Variants in HEATR9 observed in about 807,000 individuals in gnomAD.
The protein encoded by HEATR9 is protein HEATR9.
HEATR9 carries 54 observed loss-of-function variants against 68.2 expected under a neutral mutation model. The observed-to-expected ratio is 0.79, with a 90% CI of 0.64 to 0.99. HEATR9 has a LOEUF of 0.99. Among genes scored for constraint, HEATR9 ranks in the 50% least tolerant of loss-of-function variants. The probability of loss-of-function intolerance (pLI) is 0.00; values close to 1 mark genes in which losing one functional copy is unlikely to be tolerated. For synonymous variants in HEATR9, 241 were observed against 253.5 expected, an observed-to-expected ratio of 0.95 and a Z score of 0.47; for missense variants, 662 against 679.7, an observed-to-expected ratio of 0.97 and a Z score of 0.29.
chr17:35,860,680 C>T (rs1168702477), intron 8 of HEATR9, among the ~76,000 whole-genome samples: 4 of 150,832 alleles, frequency 2.7e-5, no homozygotes, highest in Non-Finnish European at 5.9e-5. Flanking sequence ...TAGTAGAGAC[C>T]GGGTTTCACC....
intron 14 of HEATR9, 65 bp downstream of exon 14, chr17:35,855,599 T>G (rs2087742709): frequency 1.4e-6 from 2 of 1,472,520 alleles, no homozygotes; most frequent in Non-Finnish European, 1.9e-6. Flanking sequence ...GGTGGTGAGA[T>G]AGGTGGGAGA....
At chr17:35,862,970 A>C (rs2088050189) in intron 8 of HEATR9, 25 bp downstream of exon 8, 10 of 1,614,072 alleles carry the variant, frequency 6.2e-6, no homozygotes, top group Non-Finnish European at 8.5e-6. Flanking sequence ...CTTTGCCCCC[A>C]ATTAAAGACT....
At chr17:35,865,487 G>T in intron 2 of HEATR9, 91 bp from the exon 3 acceptor site, 10 of 928,746 alleles carry the variant, frequency 1.1e-5, no homozygotes, top group South Asian at 1.6e-5. Flanking sequence ...GGAGGGAAGG[G>T]CAGGGTGAAA....
chr17:35,858,852 G>C, intron 9 of HEATR9, 36 bp downstream of exon 9: 1 of 1,604,522 alleles, frequency 6.2e-7, no homozygotes, highest in Non-Finnish European at 8.5e-7. Flanking sequence ...AGTGGCTTCT[G>C]TTTCCCCAGG....
At chr17:35,862,601 T>C (rs2088034087) in intron 8 of HEATR9, among the ~76,000 whole-genome samples, 1 of 152,232 alleles carries the variant, frequency 6.6e-6, no homozygotes, top group Admixed American at 6.5e-5. Context: ...TTACAGATGC[T>C]CCTCTATTTA....
chr17:35,867,603 G>A (rs1306316074), intron 1 of HEATR9, among the ~76,000 whole-genome samples: 1 of 151,988 alleles, frequency 6.6e-6, no homozygotes, highest in Admixed American at 6.6e-5. Context: ...GAGCCAAGGA[G>A]TTCAAGACCA....
chr17:35,858,096 C>G, intron 11 of HEATR9, 104 bp downstream of exon 11: 1 of 1,505,666 alleles, frequency 6.6e-7, no homozygotes, highest in South Asian at 1.2e-5. Context: ...AGGAGTAGGT[C>G]AGGATGAATG....
Position 35,857,689 on chromosome 17 carries a change from G to T in HEATR9, c.1152+511C>A, listed in dbSNP as rs534458143. Reference sequence around the variant, plus strand: ...CAGGAGAATGGCGTGAACCCAGGAGGCAGAGCTTGCAGTGAGCCAAGATCG... The same window carrying T: ...CAGGAGAATGGCGTGAACCCAGGAGTCAGAGCTTGCAGTGAGCCAAGATCG... On this transcript the variant is annotated intron_variant, in intron 11 of 14. Coordinates refer to ENST00000604834, the MANE Select transcript of HEATR9 (RefSeq NM_152781.4). Among the ~76,000 whole-genome samples, 42 of 152,100 alleles carry T rather than the reference G, an allele frequency of 2.8e-4. No individual in the cohort carries two copies. The East Asian group carries it at 6.8e-3, about 24-fold the overall frequency.
Position 35,862,193 on chromosome 17 carries a change from T to G in HEATR9, c.756+802A>C, listed in dbSNP as rs117561538. 1.2e-3 allele frequency among the ~76,000 whole-genome samples: 181 copies of G among 152,192 alleles called. 5 individuals are homozygous for G. In the East Asian group the frequency reaches 0.033, roughly 28 times the overall value. Reference sequence around the variant, plus strand: ...CTGGCCTAATTTTCTAAAAATAAATTTATTGGTTATTATGTGTCTCCCCCA... The same window carrying G: ...CTGGCCTAATTTTCTAAAAATAAATGTATTGGTTATTATGTGTCTCCCCCA... On this transcript the variant is annotated intron_variant, in intron 8 of 14. Transcript: ENST00000604834.
intron 8 of HEATR9, chr17:35,861,569 T>G (rs2087994178): frequency 1.3e-6 from 1 of 747,302 alleles, no homozygotes. Context: ...ATACGCATGT[T>G]GAACCTGTGT....
intron 8 of HEATR9, chr17:35,861,033 G>A (rs1349811584): frequency 5.6e-6 from 4 of 713,214 alleles, no homozygotes; most frequent in Non-Finnish European, 1.0e-5. Flanking sequence ...GTGACAGAGC[G>A]AGATTCGGTC....
At chr17:35,868,375 T>C (rs902478121) in intron 1 of HEATR9, among the ~76,000 whole-genome samples, 1 of 152,006 alleles carries the variant, frequency 6.6e-6, no homozygotes, top group Non-Finnish European at 1.5e-5. Context: ...ATGCAAAGAT[T>C]TGGAGGTGCA....
intron 7 of HEATR9, 113 bp downstream of exon 7, chr17:35,863,389 C>G: frequency 8.2e-7 from 1 of 1,217,758 alleles, no homozygotes; most frequent in Non-Finnish European, 1.2e-6. Flanking sequence ...GTTCTCAGGC[C>G]TTGCCAAATG....
intron 1 of HEATR9, 157 bp downstream of exon 1, chr17:35,868,498 G>A: frequency 7.4e-7 from 1 of 1,349,004 alleles, no homozygotes; most frequent in Non-Finnish European, 9.8e-7. Context: ...GAGACCTTGA[G>A]GACTGTGCAG....
At chr17:35,856,504 A>G (rs2087775954) in intron 12 of HEATR9, 1 of 842,206 alleles carries the variant, frequency 1.2e-6, no homozygotes, top group Non-Finnish European at 1.9e-6. Flanking sequence ...AGCAACCTAT[A>G]CCTAACCTTG....
chr17:35,866,662 T>G lies in HEATR9; in HGVS notation c.138+62A>C. ...GTGAGCTGGCTTTAATGGGAAGGGA[T>G]AGTTTGCTGCCCCTCCTAACTTTGA... On this transcript the variant is annotated intron_variant, in intron 2 of 14. Transcript: ENST00000604834. 3.4e-6 allele frequency: 5 copies of G among 1,462,378 alleles called. No individual in the cohort carries two copies. The South Asian group carries it at 5.7e-5, about 17-fold the overall frequency. 90.6% of individuals were successfully genotyped at this position (1,462,378 alleles called of 1,614,324 possible). A position where few individuals can be genotyped will look rare whatever the true frequency, so the allele number is the denominator to read the frequency against.
chr17:35,861,962 A>G (rs1425946393), intron 8 of HEATR9, among the ~76,000 whole-genome samples: 1 of 151,290 alleles, frequency 6.6e-6, no homozygotes, highest in African/African-American at 2.4e-5. Context: ...GGGTTCAAGC[A>G]TTTCTGCCTC....
Position 35,865,771 on chromosome 17 carries a change from G to A in HEATR9, c.139-375C>T, listed in dbSNP as rs542828876. 5.3e-5 allele frequency among the ~76,000 whole-genome samples: 8 copies of A among 152,270 alleles called. No homozygotes were observed. In the South Asian group the frequency reaches 1.2e-3, roughly 24 times the overall value. On this transcript the variant is annotated intron_variant, in intron 2 of 14. Transcript: ENST00000604834. ...CACTTTGAAAATGACACTTGAGTAGGGAAATGAAAAGGCAAGGTGTGGGGA... is the reference window on the plus strand; with the variant it reads ...CACTTTGAAAATGACACTTGAGTAGAGAAATGAAAAGGCAAGGTGTGGGGA...
chr17:35,864,914 G>T (rs748060704), intron 3 of HEATR9, 24 bp from the exon 4 acceptor site: 11 of 1,613,948 alleles, frequency 6.8e-6, no homozygotes, highest in Non-Finnish European at 9.3e-6. Context: ...TGCATAGGCA[G>T]CTTTGGTCCC....
Sources: gnomAD v4.1 joint callset for allele counts (sites outside exome capture counted in the v4.1 genomes callset) on GRCh38, gnomAD v4.1.1 for gene constraint, MANE v1.5 for transcripts, NCBI Gene and HGNC (gene_info 2026-07-23, HGNC 2026-07-21) for gene names.